The following ATXN10 variants were observed in gnomAD, a reference collection of about 807,000 sequenced individuals.
ATXN10 encodes ataxin 10.
In ATXN10, 28 loss-of-function variants were observed where a neutral mutation model predicts 52.9. The ratio of observed to expected loss-of-function variants is 0.53; its 90% CI spans 0.39 to 0.73. The LOEUF is 0.73. ATXN10 is among the 30% of genes least tolerant of loss of function. ATXN10 has a pLI of 0.00. For synonymous variants in ATXN10, 226 were observed against 221.5 expected (o/e 1.02, Z -0.18); for missense variants, 565 against 577.0 (o/e 0.98, Z 0.21).
In ATXN10 at chr22:45,690,711, C is replaced by T. The variant is rs542029432; in HGVS notation, c.308+808C>T. Among the ~76,000 whole-genome samples, 34 of 152,308 alleles carry T rather than the reference C, an allele frequency of 2.2e-4. No individual in the cohort carries two copies. Among genetic ancestry groups the T allele is most frequent in the African/African-American group, 1.7e-4 (7 of 41,570 alleles). On this transcript the variant is annotated intron_variant, in intron 2 of 11. Transcript: ENST00000252934. The surrounding 1 kb of genome is among the most constrained non-coding windows in gnomAD (Gnocchi z 4.5). ...CTCTGCTTCCACCTATTTTATGATG[C>T]GCACATTTTTAAAAGTAGTTAAAAC...
intron 5 of ATXN10, among the ~76,000 whole-genome samples, chr22:45,706,736 T>A (rs1483902693): frequency 6.6e-6 from 1 of 152,298 alleles, no homozygotes; most frequent in African/African-American, 2.4e-5. Context: ...GAACCCACTT[T>A]ATATGATTTC....
chr22:45,702,136 G>GA (rs1036858031), intron 4 of ATXN10, among the ~76,000 whole-genome samples: 3 of 151,814 alleles, frequency 2.0e-5, no homozygotes, highest in Admixed American at 1.3e-4. Context: ...AAGTTTAAAT[G>GA]AAAAAAAATC....
In ATXN10 at chr22:45,688,922, C is replaced by G. The variant is rs1484698643; in HGVS notation, c.117-790C>G. On this transcript the variant is annotated intron_variant, in intron 1 of 11. Transcript: ENST00000252934. The surrounding 1 kb of genome is among the most constrained non-coding windows in gnomAD (Gnocchi z 4.0). Reference sequence around the variant, plus strand: ...TAGGTGCAATGTTGCACAAAAAATTCTTATCTTTAGAGCTCTGGAATGATA... The same window carrying G: ...TAGGTGCAATGTTGCACAAAAAATTGTTATCTTTAGAGCTCTGGAATGATA... 6.6e-6 allele frequency among the ~76,000 whole-genome samples: 1 copy of G among 152,144 alleles called. No individual in the cohort carries two copies. Among genetic ancestry groups the G allele is most frequent in the Admixed American group, 6.6e-5 (1 of 15,266 alleles).
intron 2 of ATXN10, among the ~76,000 whole-genome samples, chr22:45,692,189 G>A (rs887909881): frequency 1.3e-5 from 2 of 152,146 alleles, no homozygotes; most frequent in Non-Finnish European, 2.9e-5. Flanking sequence ...TTTCAAAGCA[G>A]TCAATTTTTA....
In ATXN10 at chr22:45,835,829, G is replaced by T. The variant is rs1350783318; in HGVS notation, c.1238-7162G>T. On this transcript the variant is annotated intron_variant, in intron 10 of 11. Coordinates refer to ENST00000252934, the MANE Select transcript of ATXN10 (RefSeq NM_013236.4). This position sits in a 1 kb window ranked among gnomAD's most constrained non-coding sequence, Gnocchi z 5.0. ...TTCCAAATCTGACAATTATTTCTCTGCCTTCTTTTAGTATTTTTTTTAACA... is the reference window on the plus strand; with the variant it reads ...TTCCAAATCTGACAATTATTTCTCTTCCTTCTTTTAGTATTTTTTTTAACA... 2.0e-5 allele frequency among the ~76,000 whole-genome samples: 3 copies of T among 151,996 alleles called. No homozygotes were observed. The highest frequency in any genetic ancestry group is 4.4e-5 in the Non-Finnish European group (3 of 68,010).
intron 1 of ATXN10, among the ~76,000 whole-genome samples, chr22:45,686,818 CAAAAA>C (rs66702783): frequency 2.4e-5 from 3 of 123,532 alleles, no homozygotes; most frequent in Admixed American, 8.2e-5. Context: ...GACTCCATCT[CAAAAA>C]AAAAAAAAAA....
At position 45,770,780 on chromosome 22, in the gene ATXN10, T is replaced by G. The variant is rs1361928344; in HGVS notation, c.1173+30242T>G. Among the ~76,000 whole-genome samples, 1 of 152,192 alleles carries G rather than the reference T, an allele frequency of 6.6e-6. No homozygotes were observed. Among genetic ancestry groups the G allele is most frequent in the Non-Finnish European group, 1.5e-5 (1 of 68,046 alleles). ...AGGGCAGGATCCAGCCACGTCACAT[T>G]CTCCATGCCTTGCTGGGACCCTTTA... On this transcript the variant is annotated intron_variant, in intron 9 of 11. Transcript: ENST00000252934. This position sits in a 1 kb window ranked among gnomAD's most constrained non-coding sequence, Gnocchi z 4.5.
chr22:45,706,182 G>A (rs189971517), intron 5 of ATXN10, among the ~76,000 whole-genome samples: 1 of 152,262 alleles, frequency 6.6e-6, no homozygotes, highest in East Asian at 1.9e-4. Flanking sequence ...GGTCTAGGCT[G>A]TCTAATTTGT....
intron 3 of ATXN10, among the ~76,000 whole-genome samples, chr22:45,700,004 G>T (rs370503828): frequency 1.3e-5 from 2 of 151,838 alleles, no homozygotes; most frequent in African/African-American, 4.8e-5. Context: ...TAGAGATGGG[G>T]TTTTGACATA....
At chr22:45,699,061 A>C (rs1452183593) in intron 3 of ATXN10, among the ~76,000 whole-genome samples, 1 of 152,148 alleles carries the variant, frequency 6.6e-6, no homozygotes, top group Non-Finnish European at 1.5e-5. Flanking sequence ...CAGTGGTATG[A>C]CGAATATATT....
chr22:45,792,688 G>T, intron 9 of ATXN10: 1 of 308,834 alleles, frequency 3.2e-6, no homozygotes, highest in Non-Finnish European at 6.6e-6. Context: ...GGTTTCAGTG[G>T]CTCTGAACTA....
intron 7 of ATXN10, among the ~76,000 whole-genome samples, chr22:45,730,924 T>C (rs1180005368): frequency 6.6e-6 from 1 of 152,232 alleles, no homozygotes; most frequent in African/African-American, 2.4e-5. Flanking sequence ...GACAGTTTGC[T>C]TCTTCTCTTC....
At chr22:45,706,976 G>T (rs545274755) in intron 5 of ATXN10, among the ~76,000 whole-genome samples, 9 of 152,216 alleles carry the variant, frequency 5.9e-5, no homozygotes, top group Non-Finnish European at 1.3e-4. Flanking sequence ...GAATTATTGT[G>T]CATTTTTTCC....
chr22:45,713,404 G>C (rs566996441), intron 5 of ATXN10, among the ~76,000 whole-genome samples: 2 of 152,282 alleles, frequency 1.3e-5, no homozygotes, highest in African/African-American at 4.8e-5. Context: ...TCAACAATGT[G>C]ATTTGTGAAT....
rs533901764 is a variant in ATXN10 at position 45,818,138 on chromosome 22, T to C, written c.1237+11116T>C. Reference sequence around the variant, plus strand: ...AAGTTGTGCTCCTTCAGGTTTTGTCTACTCAGCTTTTGGTTTTGTGCCTCT... The same window carrying C: ...AAGTTGTGCTCCTTCAGGTTTTGTCCACTCAGCTTTTGGTTTTGTGCCTCT... On this transcript the variant is annotated intron_variant, in intron 10 of 11. Transcript: ENST00000252934. The surrounding 1 kb of genome is among the most constrained non-coding windows in gnomAD (Gnocchi z 4.6). 2.0e-5 allele frequency among the ~76,000 whole-genome samples: 3 copies of C among 152,380 alleles called. No individual in the cohort carries two copies. In the South Asian group the frequency reaches 6.2e-4, roughly 32 times the overall value.
intron 10 of ATXN10, chr22:45,811,633 T>C (rs1485117244): frequency 2.2e-6 from 1 of 447,992 alleles, no homozygotes; most frequent in Non-Finnish European, 4.6e-6. Flanking sequence ...TACTAGGTAA[T>C]ATAGCCTAGA....
chr22:45,729,724 A>G (rs759719422), intron 7 of ATXN10, 134 bp downstream of exon 7: 2 of 1,016,968 alleles, frequency 2.0e-6, no homozygotes, highest in African/African-American at 1.6e-5. Context: ...ATATATGAGA[A>G]TAGTTGGAAA....
Position 45,842,287 on chromosome 22 carries a change from G to A in ATXN10, c.1238-704G>A, listed in dbSNP as rs981643511. ...CAAATGCCCTACTCAGTGATGTGGC[G>A]ATGCTATCCCAGTCTTCGTAGGTTG... On this transcript the variant is annotated intron_variant, in intron 10 of 11. Coordinates refer to ENST00000252934, the MANE Select transcript of ATXN10 (RefSeq NM_013236.4). This position sits in a 1 kb window ranked among gnomAD's most constrained non-coding sequence, Gnocchi z 4.8. Among the ~76,000 whole-genome samples, 1 of 152,154 alleles carries A rather than the reference G, an allele frequency of 6.6e-6. No homozygotes were observed. The highest frequency in any genetic ancestry group is 1.5e-5 in the Non-Finnish European group (1 of 68,032).
Position 45,837,350 on chromosome 22 carries a change from C to T in ATXN10, c.1238-5641C>T, listed in dbSNP as rs762404518. Among the ~76,000 whole-genome samples, 9 of 152,130 alleles carry T rather than the reference C, an allele frequency of 5.9e-5. No individual in the cohort carries two copies. Among genetic ancestry groups the T allele is most frequent in the Non-Finnish European group, 1.2e-4 (8 of 68,032 alleles). ...TCTCGGCTCACTGCAGCCTCTGCCT[C>T]CCGGGTTTAAGCGATTTCTCCTGCC... is the stretch of plus-strand genomic sequence containing the variant. On this transcript the variant is annotated intron_variant, in intron 10 of 11. Coordinates refer to ENST00000252934, the MANE Select transcript of ATXN10 (RefSeq NM_013236.4). This position sits in a 1 kb window ranked among gnomAD's most constrained non-coding sequence, Gnocchi z 5.8.
Sources: gnomAD v4.1 joint callset for allele counts (sites outside exome capture counted in the v4.1 genomes callset) on GRCh38, gnomAD v4.1.1 for gene constraint, Gnocchi (gnomAD v3.1) non-coding constraint, MANE v1.5 for transcripts, NCBI Gene and HGNC (gene_info 2026-07-23, HGNC 2026-07-21) for gene names.